GABRA4: variants seen among roughly 807,000 people sequenced by gnomAD.
GABRA4 encodes the protein gamma-aminobutyric acid receptor subunit alpha-4.
GABRA4 carries 12 observed loss-of-function variants against 49.7 expected under a neutral mutation model. The observed-to-expected ratio is 0.24, with a 90% confidence interval of 0.15 to 0.39. The LOEUF is 0.39. Ranked by LOEUF, GABRA4 falls within the 10% of genes least tolerant of loss-of-function variation. The probability of loss-of-function intolerance (pLI) is 1.00; values close to 1 mark genes in which losing one functional copy is unlikely to be tolerated. For missense variants in GABRA4, 506 were observed against 686.0 expected (o/e 0.74, Z 2.93); for synonymous variants, 288 against 240.2 (o/e 1.20, Z -1.84).
At position 46,979,093 on chromosome 4, in the gene GABRA4, C is replaced by G; in HGVS notation, c.211G>C (p.Val71Leu). Residue 71 changes from valine to leucine, a missense_variant, in exon 3 of 9, where the codon GTT (valine) becomes CTT (leucine). Coordinates refer to ENST00000264318, the MANE Select transcript of GABRA4 (RefSeq NM_000809.4). The stretch of plus-strand genomic sequence containing the variant: ...TATATGTCAGTTTTCACTTCTGTAA[C>G]AGGACCTAACGGGTATGAAGTAAAT... The part of the protein sequence containing the change: ...NRLRPGFGGP[V>L]TEVKTDIYVT... The G allele has an allele frequency of 6.2e-7, 1 of 1,601,598 alleles. No homozygotes were observed. The highest frequency in any genetic ancestry group is 8.6e-7 in the Non-Finnish European group (1 of 1,169,378).
rs1721242298 is a variant in GABRA4, at chr4:46,926,717, T to C, written c.*1508A>G. On this transcript the variant is annotated 3_prime_UTR_variant, in exon 9 of 9. Transcript: ENST00000264318. ...CACAGAAGAAAATCTAGAGGCAATA[T>C]GACAAAAAACCATACTTAGATTCAG... 1 of 151,846 alleles carries C rather than the reference T, an allele frequency of 6.6e-6. No homozygotes were observed. Among genetic ancestry groups the C allele is most frequent in the Non-Finnish European group, 1.5e-5 (1 of 67,894 alleles). The allele number at this position is 151,846 out of a possible 1,614,324, so 9.4% of individuals were successfully genotyped here.
Position 46,982,873 on chromosome 4 carries a change from T to A in GABRA4, c.206-3775A>T, listed in dbSNP as rs547593804. On this transcript the variant is annotated intron_variant, in intron 2 of 8. Coordinates refer to ENST00000264318, the MANE Select transcript of GABRA4 (RefSeq NM_000809.4). ...TGGTGATAACAGCTTGGACTAGGGA[T>A]GTGGCAGTGGGGATGAAGACTGGAC... 6.6e-5 allele frequency among the ~76,000 whole-genome samples: 10 copies of A among 152,160 alleles called. No homozygotes were observed. In the South Asian group the frequency reaches 1.7e-3, roughly 25 times the overall value.
Position 46,928,788 on chromosome 4 carries a change from T to C in GABRA4, c.1135-33A>G, listed in dbSNP as rs768461518. The C allele has an allele frequency of 4.9e-6, 7 of 1,421,340 alleles. No individual in the cohort carries two copies. The East Asian group carries it at 1.1e-4, about 23-fold the overall frequency. 88.0% of individuals were successfully genotyped at this position (1,421,340 alleles called of 1,614,324 possible). A position where few individuals can be genotyped will look rare whatever the true frequency, so the allele number is the denominator to read the frequency against. On this transcript the variant is annotated intron_variant, in intron 8 of 8. Coordinates refer to ENST00000264318, the MANE Select transcript of GABRA4 (RefSeq NM_000809.4). Reference sequence around the variant, plus strand: ...GGTATATGAAAAAATATATTGGTTATGTAACTTTATGCAGATTTGTACAAA... The same window carrying C: ...GGTATATGAAAAAATATATTGGTTACGTAACTTTATGCAGATTTGTACAAA...
rs1720877527 is a variant in GABRA4 at position 46,919,035 on chromosome 4, A to C, written c.*9190T>G. On this transcript the variant is annotated 3_prime_UTR_variant, in exon 9 of 9. Coordinates refer to ENST00000264318, the MANE Select transcript of GABRA4 (RefSeq NM_000809.4). ...CTTAAAATATAAGTATCTGTGATTAAATTTTATAGAAATTTAAATCCTTAC... is the reference window on the plus strand; with the variant it reads ...CTTAAAATATAAGTATCTGTGATTACATTTTATAGAAATTTAAATCCTTAC... 6.6e-6 allele frequency: 1 copy of C among 151,602 alleles called. No homozygotes were observed. The highest frequency in any genetic ancestry group is 2.4e-5 in the African/African-American group (1 of 41,412). The allele number at this position is 151,602 out of a possible 1,614,324, so 9.4% of individuals were successfully genotyped here. A position where few individuals can be genotyped will look rare whatever the true frequency, so the allele number is the denominator to read the frequency against.
In GABRA4 at chr4:46,993,514, C is replaced by T; in HGVS notation, c.-90G>A. 2 of 1,369,016 alleles carry T rather than the reference C, an allele frequency of 1.5e-6. No homozygotes were observed. The highest frequency in any genetic ancestry group is 1.0e-6 in the Non-Finnish European group (1 of 971,238). The allele number at this position is 1,369,016 out of a possible 1,614,324, so 84.8% of individuals were successfully genotyped here. A position where few individuals can be genotyped will look rare whatever the true frequency, so the allele number is the denominator to read the frequency against. On this transcript the variant is annotated 5_prime_UTR_variant, in exon 1 of 9. Coordinates refer to ENST00000264318, the MANE Select transcript of GABRA4 (RefSeq NM_000809.4). ...GTGCGAGGAGAGGGCAGAGAGGCTCCCGCGGCGTGCGCACACTCGCGCTCA... is the reference window on the plus strand; with the variant it reads ...GTGCGAGGAGAGGGCAGAGAGGCTCTCGCGGCGTGCGCACACTCGCGCTCA...
chr4:46,925,099 G>A lies in GABRA4; in HGVS notation c.*3126C>T, dbSNP rs1441343644. On this transcript the variant is annotated 3_prime_UTR_variant, in exon 9 of 9. Coordinates refer to ENST00000264318, the MANE Select transcript of GABRA4 (RefSeq NM_000809.4). ...GGGTAAAATAAGCCACAAATAAATT[G>A]TTTATGCTTTGTTTGAAAAGGGGTC... 1 of 151,894 alleles carries A rather than the reference G, an allele frequency of 6.6e-6. No individual in the cohort carries two copies. Among genetic ancestry groups the A allele is most frequent in the Non-Finnish European group, 1.5e-5 (1 of 67,876 alleles). The allele number at this position is 151,894 out of a possible 1,614,324, so 9.4% of individuals were successfully genotyped here.
chr4:46,945,679 T>C (rs1166150029), intron 8 of GABRA4, among the ~76,000 whole-genome samples: 3 of 152,028 alleles, frequency 2.0e-5, no homozygotes, highest in African/African-American at 4.8e-5. Flanking sequence ...TAAGACCCTA[T>C]AGGAGGAAAA....
chr4:46,990,846 C>T (rs1381586345), intron 2 of GABRA4, among the ~76,000 whole-genome samples: 1 of 152,132 alleles, frequency 6.6e-6, no homozygotes, highest in East Asian at 1.9e-4. Flanking sequence ...TGAAAAGAAG[C>T]AGGAGAAAGT....
At chr4:46,967,168 G>A (rs1464505284) in intron 7 of GABRA4, among the ~76,000 whole-genome samples, 1 of 151,524 alleles carries the variant, frequency 6.6e-6, no homozygotes, top group Non-Finnish European at 1.5e-5. Context: ...AGATATATAA[G>A]CAATATTTTT....
intron 2 of GABRA4, chr4:46,992,572 C>T (rs1481088936): frequency 4.1e-6 from 2 of 493,162 alleles, no homozygotes; most frequent in Non-Finnish European, 3.6e-6. Flanking sequence ...CTCCAACCTC[C>T]CCCACCCAGC....
chr4:46,969,948 C>T (rs975227347), intron 7 of GABRA4, among the ~76,000 whole-genome samples: 1 of 151,320 alleles, frequency 6.6e-6, no homozygotes, highest in Admixed American at 6.6e-5. Context: ...TCACACCCTC[C>T]CTCCACCATT....
At chr4:46,981,875 A>T (rs1658374325) in intron 2 of GABRA4, among the ~76,000 whole-genome samples, 1 of 152,088 alleles carries the variant, frequency 6.6e-6, no homozygotes, top group African/African-American at 2.4e-5. Flanking sequence ...GAGATCAGGA[A>T]ATTGGATTCC....
intron 7 of GABRA4, 58 bp downstream of exon 7, chr4:46,971,025 T>C (rs1361521435): frequency 6.7e-7 from 1 of 1,499,720 alleles, no homozygotes; most frequent in Non-Finnish European, 9.1e-7. Context: ...AAATATCCCA[T>C]GAATCATGAA....
intron 8 of GABRA4, among the ~76,000 whole-genome samples, chr4:46,939,896 G>A (rs1378461343): frequency 6.6e-6 from 1 of 151,926 alleles, no homozygotes; most frequent in Non-Finnish European, 1.5e-5. Flanking sequence ...ATGCTTGACT[G>A]TCATGAAGTG....
At chr4:46,952,531 A>G (rs1172824393) in intron 8 of GABRA4, among the ~76,000 whole-genome samples, 4 of 152,148 alleles carry the variant, frequency 2.6e-5, no homozygotes. Context: ...AGTCATACCC[A>G]AACTGATGTT....
At chr4:46,979,518 G>A (rs1035368780) in intron 2 of GABRA4, among the ~76,000 whole-genome samples, 1 of 152,058 alleles carries the variant, frequency 6.6e-6, no homozygotes, top group African/African-American at 2.4e-5. Context: ...ACAGCTGTAA[G>A]GAATGTATCC....
At chr4:46,972,560 A>G (rs1440481521) in intron 6 of GABRA4, among the ~76,000 whole-genome samples, 3 of 151,542 alleles carry the variant, frequency 2.0e-5, no homozygotes, top group African/African-American at 7.3e-5. Flanking sequence ...AAATATATAC[A>G]TCACCCCCAA....
rs139977620 is a variant in GABRA4, at chr4:46,985,284, A to G, written c.206-6186T>C. Among the ~76,000 whole-genome samples, 204 of 152,198 alleles carry G rather than the reference A, an allele frequency of 1.3e-3. 2 individuals are homozygous for G. Among genetic ancestry groups the G allele is most frequent in the Middle Eastern group, 6.8e-3 (2 of 294 alleles). On this transcript the variant is annotated intron_variant, in intron 2 of 8. Coordinates refer to ENST00000264318, the MANE Select transcript of GABRA4 (RefSeq NM_000809.4). The stretch of plus-strand genomic sequence containing the variant: ...AATAATTTTAAAAGGACTTAAAATC[A>G]TGGTTATTTTGGACGGAGAAGACAG...
At chr4:46,955,867 A>C (rs888205231) in intron 8 of GABRA4, among the ~76,000 whole-genome samples, 4 of 152,106 alleles carry the variant, frequency 2.6e-5, no homozygotes, top group African/African-American at 9.7e-5. Flanking sequence ...TAACAAGATT[A>C]ATAGCCTGTC....
Sources: allele counts gnomAD v4.1 joint callset (sites outside exome capture counted in the v4.1 genomes callset), GRCh38; gene constraint gnomAD v4.1.1; transcripts MANE v1.5; gene names NCBI Gene and HGNC (gene_info 2026-07-23, HGNC 2026-07-21).